AP3B1: variants seen among roughly 807,000 people sequenced by gnomAD.
The protein encoded by AP3B1 is AP-3 complex subunit beta-1.
AP3B1 carries 61 observed loss-of-function variants against 132.5 expected under a neutral mutation model. That is an observed-to-expected ratio of 0.46 (90% CI 0.37 to 0.57). AP3B1 has a LOEUF of 0.57. AP3B1 is among the 20% of genes least tolerant of loss of function. AP3B1 has a pLI of 0.00. For missense variants in AP3B1, 1,120 were observed against 1,289.4 expected (o/e 0.87, Z 2.01); for synonymous variants, 388 against 438.3 (o/e 0.89, Z 1.43).
At chr5:78,219,994 G>A (rs1345314714) in intron 6 of AP3B1, among the ~76,000 whole-genome samples, 1 of 151,994 alleles carries the variant, frequency 6.6e-6, no homozygotes, top group Non-Finnish European at 1.5e-5. Flanking sequence ...ACATTTAACT[G>A]GGAGATTTTT....
intron 15 of AP3B1, among the ~76,000 whole-genome samples, chr5:78,140,104 G>A (rs1454595731): frequency 1.3e-5 from 2 of 152,140 alleles, no homozygotes; most frequent in African/African-American, 4.8e-5. Flanking sequence ...TCCACTCACA[G>A]AGAATAGCAA....
intron 22 of AP3B1, among the ~76,000 whole-genome samples, chr5:78,083,230 CAAAA>C (rs981525997): frequency 6.6e-6 from 1 of 152,006 alleles, no homozygotes; most frequent in African/African-American, 2.4e-5. Flanking sequence ...TGATAAGAAA[CAAAA>C]AACGCAAAGG....
At chr5:78,193,770 A>ATATATTT in intron 7 of AP3B1, among the ~76,000 whole-genome samples, 13 of 67,214 alleles carry the variant, frequency 1.9e-4, no homozygotes, top group African/African-American at 6.3e-4. Flanking sequence ...ATATATATAT[A>ATATATTT]TTTTTTTTTT....
chr5:78,280,072 CAA>C (rs70997984), intron 1 of AP3B1, among the ~76,000 whole-genome samples: 7 of 84,914 alleles, frequency 8.2e-5, no homozygotes, highest in Non-Finnish European at 1.2e-4. Context: ...GACTCTGTCT[CAA>C]AAAAAAAAAA....
intron 8 of AP3B1, among the ~76,000 whole-genome samples, chr5:78,179,369 G>T (rs986402965): frequency 6.6e-6 from 1 of 152,092 alleles, no homozygotes; most frequent in African/African-American, 2.4e-5. Context: ...CATGCCATCT[G>T]TTCTAATATA....
In AP3B1 at chr5:78,294,477, C is replaced by A; in HGVS notation, c.103G>T (p.Gly35Cys). The A allele has an allele frequency of 6.2e-7, 1 of 1,614,230 alleles. No individual in the cohort carries two copies. Among genetic ancestry groups the A allele is most frequent in the Non-Finnish European group, 8.5e-7 (1 of 1,180,046 alleles). Residue 35 changes from glycine to cysteine, a missense_variant, in exon 1 of 27, where the codon GGC (glycine) becomes TGC (cysteine). Around this residue, in one of 3 missense-constraint regions of AP3B1, gnomAD observed 85 missense variants for 79.9 expected, o/e 1.06. Transcript: ENST00000255194. The part of the protein sequence containing the change: ...TSTISPSGAF[G>C]LFSSDLKKNE... ...TTCTTCAAATCGCTGCTAAAGAGGC[C>A]GAAGGCCCCCGAGGGGGAAATGGTT...
chr5:78,015,536 C>T lies in AP3B1; in HGVS notation c.3005G>A (p.Gly1002Glu). 1 of 1,613,558 alleles carries T rather than the reference C, an allele frequency of 6.2e-7. No homozygotes were observed. The highest frequency in any genetic ancestry group is 8.5e-7 in the Non-Finnish European group (1 of 1,179,708). ...DFKKEQGVLT[G>E]MNETSAVIIA... ...GATTACAGCAGAAGTTTCATTCATTCCTGTTAGCACTCCTGTAAAAGCAAA... is the reference window on the plus strand; with the variant it reads ...GATTACAGCAGAAGTTTCATTCATTTCTGTTAGCACTCCTGTAAAAGCAAA... Residue 1002 changes from glycine to glutamate, a missense_variant, in exon 26 of 27, where the codon GGA (glycine) becomes GAA (glutamate). Gly to Glu is a moderately conservative substitution (Grantham distance 98). Around this residue, in one of 3 missense-constraint regions of AP3B1, gnomAD observed 906 missense variants for 997.1 expected, o/e 0.91. Transcript: ENST00000255194.
chr5:78,006,075 G>C (rs1311974760), intron 26 of AP3B1, among the ~76,000 whole-genome samples: 1 of 152,134 alleles, frequency 6.6e-6, no homozygotes, highest in African/African-American at 2.4e-5. Context: ...CTATAATGAT[G>C]ATAGCAGCTA....
intron 18 of AP3B1, 91 bp from the exon 19 acceptor site, chr5:78,114,014 C>A: frequency 7.0e-7 from 1 of 1,432,116 alleles, no homozygotes; most frequent in Non-Finnish European, 9.6e-7. Context: ...ACAAATGAAA[C>A]CAGATGTTGA....
intron 26 of AP3B1, among the ~76,000 whole-genome samples, chr5:78,011,119 T>G (rs1431590196): frequency 6.7e-6 from 1 of 149,758 alleles, no homozygotes; most frequent in African/African-American, 2.5e-5. Flanking sequence ...CTTGGCTCAC[T>G]GCAACCTCTC....
chr5:78,272,282 G>T (rs973830870), intron 1 of AP3B1, among the ~76,000 whole-genome samples: 1 of 151,952 alleles, frequency 6.6e-6, no homozygotes, highest in Non-Finnish European at 1.5e-5. Context: ...GATGTCTTAC[G>T]CTCCTTAAAA....
intron 2 of AP3B1, among the ~76,000 whole-genome samples, chr5:78,259,600 A>G (rs1164680764): frequency 6.6e-6 from 1 of 152,234 alleles, no homozygotes; most frequent in East Asian, 1.9e-4. Context: ...CTTATTTCAC[A>G]TGCACACCTG....
At chr5:78,244,345 G>A (rs952657191) in intron 2 of AP3B1, among the ~76,000 whole-genome samples, 3 of 151,906 alleles carry the variant, frequency 2.0e-5, no homozygotes, top group Non-Finnish European at 2.9e-5. Context: ...CCTGGGAGCC[G>A]GGGATTGCAG....
intron 22 of AP3B1, among the ~76,000 whole-genome samples, chr5:78,079,490 A>T (rs1749900977): frequency 6.6e-6 from 1 of 152,200 alleles, no homozygotes; most frequent in Non-Finnish European, 1.5e-5. Context: ...CATTAATTAA[A>T]TAATTCTAAG....
intron 24 of AP3B1, among the ~76,000 whole-genome samples, chr5:78,033,083 T>C (rs1747647150): frequency 6.6e-6 from 1 of 152,076 alleles, no homozygotes; most frequent in South Asian, 2.1e-4. Flanking sequence ...AAGGAATCTT[T>C]TTTAGTTCTT....
At chr5:78,182,813 C>T (rs1368716535) in intron 7 of AP3B1, among the ~76,000 whole-genome samples, 1 of 152,186 alleles carries the variant, frequency 6.6e-6, no homozygotes, top group Admixed American at 6.5e-5. Context: ...TAATGAGATG[C>T]CCCAACCACC....
intron 3 of AP3B1, among the ~76,000 whole-genome samples, chr5:78,232,921 A>G (rs1203084132): frequency 6.6e-6 from 1 of 151,984 alleles, no homozygotes; most frequent in Non-Finnish European, 1.5e-5. Flanking sequence ...TGGCCAGACT[A>G]GTCATGAACT....
intron 8 of AP3B1, among the ~76,000 whole-genome samples, chr5:78,180,731 G>A (rs575769341): frequency 3.3e-4 from 50 of 152,026 alleles, no homozygotes; most frequent in African/African-American, 1.1e-3. Flanking sequence ...ATATATATAT[G>A]TATGTGTAAC....
At chr5:78,158,738 T>C (rs1485969783) in intron 13 of AP3B1, among the ~76,000 whole-genome samples, 1 of 151,764 alleles carries the variant, frequency 6.6e-6, no homozygotes, top group East Asian at 1.9e-4. Context: ...CTCTTGTCGC[T>C]GAGGCTGGAG....
Sources: allele counts gnomAD v4.1 joint callset (sites outside exome capture counted in the v4.1 genomes callset), GRCh38; gene constraint gnomAD v4.1.1; regional missense constraint gnomAD v4.1.1; transcripts MANE v1.5; gene names NCBI Gene and HGNC (gene_info 2026-07-23, HGNC 2026-07-21).